The following RANBP2 variants were observed in gnomAD, a reference collection of about 807,000 sequenced individuals.
RANBP2 encodes the protein E3 SUMO-protein ligase RanBP2.
A neutral mutation model predicts 303.6 loss-of-function variants in RANBP2; 57 were observed. The observed-to-expected ratio is 0.19, with a 90% CI of 0.15 to 0.23. The LOEUF is 0.23. Among genes scored for constraint, RANBP2 ranks in the 10% least tolerant of loss-of-function variants. The probability of loss-of-function intolerance (pLI) is 1.00; values close to 1 mark genes in which losing one functional copy is unlikely to be tolerated. For missense variants in RANBP2, 3,138 were observed against 3,780.8 expected, an observed-to-expected ratio of 0.83 and a Z score of 4.46; for synonymous variants, 1,167 against 1,301.5, an observed-to-expected ratio of 0.90 and a Z score of 2.23.
the RANBP2 span, among the ~76,000 whole-genome samples, chr2:109,629,235 T>TAAATAAATAAATAAA: frequency 6.1e-3 from 840 of 138,092 alleles, 12 homozygotes; most frequent in Non-Finnish European, 9.4e-3. Context: ...AATAAATAAA[T>TAAATAAATAAATAAA]AAAATGCTTA....
the RANBP2 span, among the ~76,000 whole-genome samples, chr2:109,312,120 T>C: frequency 2.6e-5 from 4 of 152,224 alleles, no homozygotes; most frequent in African/African-American, 9.6e-5. Flanking sequence ...TTCAAAAGTA[T>C]GTCACCTATT....
the RANBP2 span, among the ~76,000 whole-genome samples, chr2:108,898,833 A>T: frequency 5.9e-5 from 9 of 152,358 alleles, no homozygotes; most frequent in East Asian, 1.7e-3. Context: ...AGTAAGACAG[A>T]GGAAAGAATC....
At chr2:108,788,201 C>T, downstream of RANBP2, 5 of 1,037,910 alleles carry the variant, frequency 4.8e-6, 1 homozygote, top group Admixed American at 2.8e-5. Context: ...GGCGAATCAC[C>T]TGAGGTCAGG....
At chr2:109,635,644 C>A in the RANBP2 span, among the ~76,000 whole-genome samples, 1 of 152,162 alleles carries the variant, frequency 6.6e-6, no homozygotes, top group African/African-American at 2.4e-5. Flanking sequence ...TTGTCTGACC[C>A]TACCTCGTCT....
chr2:109,560,213 C>T, the RANBP2 span, among the ~76,000 whole-genome samples: 4 of 152,330 alleles, frequency 2.6e-5, 1 homozygote, highest in African/African-American at 9.6e-5. Context: ...AGCCACCGGG[C>T]CTGGCCCCAA....
chr2:109,689,205 C>A, the RANBP2 span, among the ~76,000 whole-genome samples: 1 of 152,122 alleles, frequency 6.6e-6, no homozygotes, highest in African/African-American at 2.4e-5. Context: ...CCGTGCCCGG[C>A]CTGGATGACA....
At chr2:108,916,706 A>T in the RANBP2 span, among the ~76,000 whole-genome samples, 6 of 152,086 alleles carry the variant, frequency 3.9e-5, no homozygotes, top group Non-Finnish European at 8.8e-5. Context: ...TGCGCAGCCG[A>T]GGAGGTGGGG....
At chr2:109,036,835 C>G in the RANBP2 span, among the ~76,000 whole-genome samples, 3 of 152,180 alleles carry the variant, frequency 2.0e-5, no homozygotes, top group African/African-American at 7.2e-5. Flanking sequence ...TGGCAAAACC[C>G]CGTCTCTTCA....
the RANBP2 span, among the ~76,000 whole-genome samples, chr2:109,583,036 A>G: frequency 6.6e-6 from 1 of 152,242 alleles, no homozygotes; most frequent in African/African-American, 2.4e-5. Flanking sequence ...CTCAAGATGG[A>G]TTAAAGACTG....
chr2:109,014,626 G>C, the RANBP2 span, among the ~76,000 whole-genome samples: 1 of 152,184 alleles, frequency 6.6e-6, no homozygotes, highest in African/African-American at 2.4e-5. Flanking sequence ...ACACATTTCT[G>C]ACCAGGTTTT....
intron 24 of RANBP2, among the ~76,000 whole-genome samples, chr2:108,776,774 GT>G (rs1183280382): frequency 6.6e-6 from 1 of 152,124 alleles, no homozygotes; most frequent in Non-Finnish European, 1.5e-5. Context: ...TTATACAGAT[GT>G]TTCCTAAAAC....
chr2:109,306,095 ACCTC>A, the RANBP2 span, among the ~76,000 whole-genome samples: 1 of 152,170 alleles, frequency 6.6e-6, no homozygotes, highest in Non-Finnish European at 1.5e-5. Context: ...GCTTTTGTCT[ACCTC>A]ACGCTAAAGT....
At chr2:109,663,587 T>C in the RANBP2 span, among the ~76,000 whole-genome samples, 1 of 152,228 alleles carries the variant, frequency 6.6e-6, no homozygotes, top group Admixed American at 6.5e-5. Flanking sequence ...TTAAATTCCC[T>C]TACTGATCAT....
the RANBP2 span, among the ~76,000 whole-genome samples, chr2:109,249,582 TCC>T: frequency 1.6e-4 from 18 of 113,102 alleles, 2 homozygotes; most frequent in Admixed American, 2.8e-4. Context: ...CTTCCTTCCT[TCC>T]TTTCCTTTCT....
the RANBP2 span, among the ~76,000 whole-genome samples, chr2:109,067,539 C>T: frequency 6.6e-6 from 1 of 152,200 alleles, no homozygotes; most frequent in Non-Finnish European, 1.5e-5. Flanking sequence ...CACCGCTCTG[C>T]GTCTTGAAGT....
At chr2:109,320,143 C>T in the RANBP2 span, among the ~76,000 whole-genome samples, 1 of 152,204 alleles carries the variant, frequency 6.6e-6, no homozygotes, top group Admixed American at 6.5e-5. Flanking sequence ...GTAGAAGCAA[C>T]ACAACTCTTC....
chr2:109,591,062 T>C, the RANBP2 span, among the ~76,000 whole-genome samples: 2 of 152,224 alleles, frequency 1.3e-5, no homozygotes, highest in African/African-American at 2.4e-5. Context: ...CGATTTGTTA[T>C]GCAGCAACAG....
At chr2:109,640,428 G>A in the RANBP2 span, among the ~76,000 whole-genome samples, 10 of 152,204 alleles carry the variant, frequency 6.6e-5, 1 homozygote, top group South Asian at 2.1e-3. Flanking sequence ...CTCCAGCCTG[G>A]GCAACAGAGT....
the RANBP2 span, among the ~76,000 whole-genome samples, chr2:109,717,998 AAT>A: frequency 6.6e-6 from 1 of 152,206 alleles, no homozygotes; most frequent in African/African-American, 2.4e-5. Flanking sequence ...AATTTAACAA[AAT>A]GAGCAAAACT....
Sources: gnomAD v4.1 joint callset for allele counts (sites outside exome capture counted in the v4.1 genomes callset) on GRCh38, gnomAD v4.1.1 for gene constraint, MANE v1.5 for transcripts, NCBI Gene and HGNC (gene_info 2026-07-23, HGNC 2026-07-21) for gene names.